PAH: variants seen among roughly 807,000 people sequenced by gnomAD.
The protein encoded by PAH is phenylalanine-4-hydroxylase.
In PAH, 64 loss-of-function variants were observed where a neutral mutation model predicts 62.0. That is an observed-to-expected ratio of 1.03 (90% CI 0.84 to 1.27). The LOEUF is 1.27. Among genes scored for constraint, PAH ranks in the 50% most tolerant of loss-of-function variants. The pLI, the probability that PAH is intolerant of heterozygous loss-of-function variation, is 0.00. For missense variants in PAH, 579 were observed against 542.8 expected (o/e 1.07, Z -0.66); for synonymous variants, 195 against 196.2 (o/e 0.99, Z 0.05).
At chr12:102,843,594 C>T (rs1874679203) in intron 11 of PAH, 52 bp downstream of exon 11, 2 of 1,604,794 alleles carry the variant, frequency 1.2e-6, no homozygotes, top group East Asian at 2.2e-5. Context: ...AGATGAGTGG[C>T]ACCAGTCAGG....
At chr12:102,913,906 G>A in intron 1 of PAH, 1 of 697,852 alleles carries the variant, frequency 1.4e-6, no homozygotes, top group Non-Finnish European at 2.6e-6. Flanking sequence ...TTCTATGTGT[G>A]TCCACAATAA....
At chr12:102,941,188 C>CA (rs1403231145) in intron 1 of PAH, among the ~76,000 whole-genome samples, 1 of 152,036 alleles carries the variant, frequency 6.6e-6, no homozygotes, top group Non-Finnish European at 1.5e-5. Context: ...AACATGGAAA[C>CA]AAAAAACCAT....
Position 102,837,611 on chromosome 12 carries a change from G to C in PAH, c.*1564C>G, listed in dbSNP as rs1266044666. 6.6e-6 allele frequency: 1 copy of C among 152,166 alleles called. No individual in the cohort carries two copies. The highest frequency in any genetic ancestry group is 1.5e-5 in the Non-Finnish European group (1 of 68,022). The allele number at this position is 152,166 out of a possible 1,614,324, so 9.4% of individuals were successfully genotyped here. A position where few individuals can be genotyped will look rare whatever the true frequency, so the allele number is the denominator to read the frequency against. ...TCCTCCCAGCTGGCATATATAAGCA[G>C]GTATTGTAACACCCCATCAGTGGAT... is the stretch of plus-strand genomic sequence containing the variant. On this transcript the variant is annotated 3_prime_UTR_variant, in exon 13 of 13. Coordinates refer to ENST00000553106, the MANE Select transcript of PAH (RefSeq NM_000277.3).
At chr12:102,938,054 T>C (rs1010240613) in intron 1 of PAH, among the ~76,000 whole-genome samples, 2 of 152,196 alleles carry the variant, frequency 1.3e-5, no homozygotes, top group Admixed American at 1.3e-4. Flanking sequence ...GTAAACACTA[T>C]AAATTTTCCT....
chr12:102,957,907 CT>C lies in PAH; in HGVS notation c.-96+287del, dbSNP rs147801041. The C allele has an allele frequency of 0.013, 2,686 of 214,166 alleles. 46 individuals carry two copies. Among genetic ancestry groups the C allele is most frequent in the African/African-American group, 0.046 (2,007 of 43,234 alleles). The allele number at this position is 214,166 out of a possible 1,614,324, so 13.3% of individuals were successfully genotyped here. On this transcript the variant is annotated intron_variant, in intron 1 of 4. Coordinates refer to the PAH transcript ENST00000551337. The surrounding 1 kb of genome is among the most constrained non-coding windows in gnomAD (Gnocchi z 4.1). ...GCACTGACTTTTGCTGCTGCTTCTG[CT>C]TTTTTTTTTCTTAGAAACAAGAAGG...
At chr12:102,878,666 G>A (rs1263055532) in intron 3 of PAH, among the ~76,000 whole-genome samples, 1 of 151,536 alleles carries the variant, frequency 6.6e-6, no homozygotes, top group Non-Finnish European at 1.5e-5. Flanking sequence ...GAAAAGGAAA[G>A]AAAGGAGGGA....
upstream of PAH, among the ~76,000 whole-genome samples, chr12:102,951,885 A>T (rs1454689791): frequency 6.9e-6 from 1 of 145,874 alleles, no homozygotes; most frequent in African/African-American, 2.6e-5. Flanking sequence ...CTTGCCATTC[A>T]TTGCTTTTTT....
chr12:102,845,130 A>G (rs1874779618), intron 9 of PAH, among the ~76,000 whole-genome samples: 1 of 152,196 alleles, frequency 6.6e-6, no homozygotes, highest in Non-Finnish European at 1.5e-5. Context: ...AAGCCTGTGC[A>G]GGTTTGTTCT....
chr12:102,840,398 A>G lies in PAH; in HGVS notation c.1315+2T>C, dbSNP rs1799970. On this transcript the variant is annotated splice_donor_variant, in intron 12 of 12. Coordinates refer to ENST00000553106, the MANE Select transcript of PAH (RefSeq NM_000277.3). LOFTEE classifies it high-confidence loss of function. ...TGGCCTCGTAAGGTGTAAATTACTT[A>G]CTGTTAATGGAATCAGCCAAAATCT... 1 of 1,589,234 alleles carries G rather than the reference A, an allele frequency of 6.3e-7. No homozygotes were observed. Among genetic ancestry groups the G allele is most frequent in the Non-Finnish European group, 8.6e-7 (1 of 1,157,496 alleles).
At chr12:102,945,495 C>A (rs1026686545) in intron 1 of PAH, among the ~76,000 whole-genome samples, 21 of 152,168 alleles carry the variant, frequency 1.4e-4, no homozygotes, top group Non-Finnish European at 2.8e-4. Context: ...TGTGGCTGAG[C>A]TGGCACCCAA....
intron 1 of PAH, among the ~76,000 whole-genome samples, chr12:102,949,158 G>A (rs1163788654): frequency 6.6e-6 from 1 of 152,150 alleles, no homozygotes; most frequent in Non-Finnish European, 1.5e-5. Context: ...CGACAATGGT[G>A]AGTTTCATCC....
chr12:102,890,773 G>A (rs1367188512), intron 3 of PAH, among the ~76,000 whole-genome samples: 1 of 152,176 alleles, frequency 6.6e-6, no homozygotes, highest in African/African-American at 2.4e-5. Context: ...ATTACATGAT[G>A]CCTCTATGTG....
chr12:102,894,638 T>A, intron 3 of PAH, 97 bp downstream of exon 3: 1 of 908,576 alleles, frequency 1.1e-6, no homozygotes. Flanking sequence ...ATATTAAATA[T>A]ACATATATTT....
chr12:102,876,169 A>G (rs2136677439), intron 4 of PAH, among the ~76,000 whole-genome samples: 1 of 152,270 alleles, frequency 6.6e-6, no homozygotes, highest in African/African-American at 2.4e-5. Flanking sequence ...AACTGAAATT[A>G]TGGTTGCTTT....
At chr12:102,940,036 TC>T (rs1400123022) in intron 1 of PAH, among the ~76,000 whole-genome samples, 4 of 152,192 alleles carry the variant, frequency 2.6e-5, no homozygotes, top group African/African-American at 9.7e-5. Flanking sequence ...TTAAGTGCCA[TC>T]TACTGAACTG....
At chr12:102,883,801 A>T (rs374128492) in intron 3 of PAH, among the ~76,000 whole-genome samples, 121 of 152,344 alleles carry the variant, frequency 7.9e-4, no homozygotes, top group African/African-American at 2.9e-3. Context: ...CTGGGGACTC[A>T]TCATACACAC....
intron 3 of PAH, among the ~76,000 whole-genome samples, 167 bp from the exon 4 acceptor site, chr12:102,877,717 G>A (rs1485940717): frequency 1.3e-5 from 2 of 152,200 alleles, no homozygotes; most frequent in African/African-American, 2.4e-5. Flanking sequence ...ATTTTCCTTA[G>A]AAACCGGTTT....
intron 1 of PAH, among the ~76,000 whole-genome samples, chr12:102,938,762 C>A (rs1475290642): frequency 6.6e-6 from 1 of 152,166 alleles, no homozygotes; most frequent in African/African-American, 2.4e-5. Flanking sequence ...AATACTGTCT[C>A]AAGCCTCCAA....
At chr12:102,854,829 C>CA (rs1014030234) in intron 6 of PAH, 333 of 418,916 alleles carry the variant, frequency 7.9e-4, no homozygotes, top group East Asian at 2.6e-3. Context: ...CAAAACAAAA[C>CA]AAAAAAAAAC....
Sources: allele counts gnomAD v4.1 joint callset (sites outside exome capture counted in the v4.1 genomes callset), GRCh38; gene constraint gnomAD v4.1.1; non-coding constraint Gnocchi (gnomAD v3.1); transcripts MANE v1.5; gene names NCBI Gene and HGNC (gene_info 2026-07-23, HGNC 2026-07-21).